The following GMDS variants were observed in gnomAD, a reference collection of about 807,000 sequenced individuals.
GMDS encodes the protein GDP-mannose 4,6-dehydratase.
In GMDS, 20 loss-of-function variants were observed where a neutral mutation model predicts 49.9. The ratio of observed to expected loss-of-function variants is 0.40; its 90% CI spans 0.28 to 0.58. The LOEUF is 0.58. Ranked by LOEUF, GMDS falls within the 20% of genes least tolerant of loss-of-function variation. The pLI is 0.42. For missense variants in GMDS, 362 were observed against 481.4 expected (o/e 0.75, Z 2.32); for synonymous variants, 177 against 178.6 (o/e 0.99, Z 0.07).
chr6:1,722,240 T>TTAC (rs1192710516), intron 9 of GMDS, among the ~76,000 whole-genome samples: 935 of 74,862 alleles, frequency 0.012, 11 homozygotes, highest in Non-Finnish European at 0.015. Flanking sequence ...CTAATTATTA[T>TTAC]TATTAGTAGT....
intron 9 of GMDS, among the ~76,000 whole-genome samples, chr6:1,675,340 T>C (rs930522525): frequency 6.6e-6 from 1 of 152,086 alleles, no homozygotes; most frequent in African/African-American, 2.4e-5. Context: ...TTTTTGGTTG[T>C]TTCTTCGGGA....
chr6:1,644,576 A>T (rs997518965), intron 9 of GMDS, among the ~76,000 whole-genome samples: 6 of 152,192 alleles, frequency 3.9e-5, no homozygotes. Context: ...AAGTCAGCCA[A>T]CATTTCTCAG....
intron 7 of GMDS, among the ~76,000 whole-genome samples, chr6:1,857,245 T>C (rs1215324375): frequency 6.6e-6 from 1 of 152,188 alleles, no homozygotes; most frequent in African/African-American, 2.4e-5. Flanking sequence ...GTAACTGGGT[T>C]TTGCAGTTTT....
At chr6:2,127,175 A>G (rs1252622199) in intron 1 of GMDS, among the ~76,000 whole-genome samples, 2 of 152,214 alleles carry the variant, frequency 1.3e-5, no homozygotes, top group Non-Finnish European at 2.9e-5. Context: ...TGAAAATGTT[A>G]TTATAGGATA....
intron 9 of GMDS, among the ~76,000 whole-genome samples, chr6:1,637,263 G>A (rs1763183756): frequency 6.6e-6 from 1 of 152,226 alleles, no homozygotes; most frequent in African/African-American, 2.4e-5. Flanking sequence ...TGCCCAGTAA[G>A]GCCTTTCCAG....
rs115672128 is a variant in GMDS at position 1,635,623 on chromosome 6, G to A, written c.988-11083C>T. Among the ~76,000 whole-genome samples, 849 of 152,322 alleles carry A rather than the reference G, an allele frequency of 5.6e-3. 9 individuals are homozygous for A. The highest frequency in any genetic ancestry group is 0.02 in the African/African-American group (828 of 41,564). ...GGTGCTTTGTTTGCCGTCGGGGCCA[G>A]CCTCACTGACAAGGCTGAGGGTCTG... On this transcript the variant is annotated intron_variant, in intron 9 of 10. Transcript: ENST00000380815. This position sits in a 1 kb window ranked among gnomAD's most constrained non-coding sequence, Gnocchi z 4.7.
intron 7 of GMDS, among the ~76,000 whole-genome samples, chr6:1,747,777 G>C (rs1767568850): frequency 6.6e-6 from 1 of 151,840 alleles, no homozygotes; most frequent in Non-Finnish European, 1.5e-5. Flanking sequence ...TAGGTCTTTG[G>C]GTTAGTTTTA....
At chr6:2,221,193 T>G (rs560216746) in intron 1 of GMDS, among the ~76,000 whole-genome samples, 1 of 152,072 alleles carries the variant, frequency 6.6e-6, no homozygotes, top group African/African-American at 2.4e-5. Flanking sequence ...CTCAAACAAA[T>G]AAACAAAAAA....
At chr6:1,722,991 C>A (rs1374374764) in intron 9 of GMDS, among the ~76,000 whole-genome samples, 3 of 152,144 alleles carry the variant, frequency 2.0e-5, no homozygotes, top group African/African-American at 7.2e-5. Context: ...AAATGTTGCT[C>A]AATTGAGCTT....
Position 1,833,228 on chromosome 6 carries a change from C to T in GMDS, c.772-90642G>A, listed in dbSNP as rs182443232. 8.2e-4 allele frequency among the ~76,000 whole-genome samples: 122 copies of T among 149,292 alleles called. No individual in the cohort carries two copies. Among genetic ancestry groups the T allele is most frequent in the East Asian group, 1.4e-3 (7 of 5,062 alleles). The stretch of plus-strand genomic sequence containing the variant: ...ATCAGCAGGGGAATTGGCCAAATGT[C>T]GTCTCCCGCTGGGCTTCAATGCCAA... On this transcript the variant is annotated intron_variant, in intron 7 of 10. Coordinates refer to ENST00000380815, the MANE Select transcript of GMDS (RefSeq NM_001500.4). The surrounding 1 kb of genome is among the most constrained non-coding windows in gnomAD (Gnocchi z 4.4).
At chr6:1,775,447 T>C (rs957071507) in intron 7 of GMDS, among the ~76,000 whole-genome samples, 1 of 152,230 alleles carries the variant, frequency 6.6e-6, no homozygotes, top group Non-Finnish European at 1.5e-5. Flanking sequence ...GATAAAACAC[T>C]TTACTGTCAC....
chr6:1,672,359 G>A (rs1003596168), intron 9 of GMDS, among the ~76,000 whole-genome samples: 3 of 152,238 alleles, frequency 2.0e-5, no homozygotes, highest in South Asian at 2.1e-4. Flanking sequence ...CTGTCCACAA[G>A]CCGCTGATTA....
At chr6:2,140,756 C>T (rs1270286588) in intron 1 of GMDS, among the ~76,000 whole-genome samples, 4 of 152,186 alleles carry the variant, frequency 2.6e-5, no homozygotes, top group Non-Finnish European at 5.9e-5. Flanking sequence ...AATGCAAAAA[C>T]GATCGAAGGT....
chr6:1,894,498 T>A (rs114684344), intron 7 of GMDS, among the ~76,000 whole-genome samples: 3,085 of 152,282 alleles, frequency 0.02, 108 homozygotes, highest in African/African-American at 0.07. Context: ...CAATAATGAA[T>A]ACTGGTATTA....
chr6:2,115,263 G>A (rs1423523567), intron 4 of GMDS, among the ~76,000 whole-genome samples: 1 of 152,152 alleles, frequency 6.6e-6, no homozygotes, highest in Non-Finnish European at 1.5e-5. Flanking sequence ...ATCACACTGA[G>A]GAGGAGGGAG....
chr6:1,763,167 G>A (rs1027401263), intron 7 of GMDS, among the ~76,000 whole-genome samples: 1 of 152,234 alleles, frequency 6.6e-6, no homozygotes, highest in Non-Finnish European at 1.5e-5. Context: ...CACGTGCGAA[G>A]ATGCTGGCAG....
At chr6:2,052,115 T>G (rs1181821843) in intron 4 of GMDS, among the ~76,000 whole-genome samples, 1 of 66,410 alleles carries the variant, frequency 1.5e-5, no homozygotes, top group East Asian at 6.6e-4. Context: ...AGACTCTGTC[T>G]CAAAAAAAAA....
intron 8 of GMDS, among the ~76,000 whole-genome samples, chr6:1,736,486 C>T (rs1035792827): frequency 6.6e-6 from 1 of 152,184 alleles, no homozygotes; most frequent in African/African-American, 2.4e-5. Context: ...CCAGAAAGTT[C>T]TCATGGGACT....
At chr6:1,763,564 G>A (rs1254922907) in intron 7 of GMDS, among the ~76,000 whole-genome samples, 3 of 152,212 alleles carry the variant, frequency 2.0e-5, no homozygotes. Context: ...TGGATGGTAT[G>A]ACAATTATGC....
Sources: gnomAD v4.1 joint callset for allele counts (sites outside exome capture counted in the v4.1 genomes callset) on GRCh38, gnomAD v4.1.1 for gene constraint, Gnocchi (gnomAD v3.1) non-coding constraint, MANE v1.5 for transcripts, NCBI Gene and HGNC (gene_info 2026-07-23, HGNC 2026-07-21) for gene names.